Variants in ESRRB observed in about 807,000 individuals in gnomAD.
The protein encoded by ESRRB is steroid hormone receptor ERR2.
In ESRRB, 16 loss-of-function variants were observed where a neutral mutation model predicts 46.0. The ratio of observed to expected loss-of-function variants is 0.35; its 90% CI spans 0.24 to 0.53. ESRRB has a LOEUF of 0.53. ESRRB is among the 20% of genes least tolerant of loss of function. ESRRB has a pLI of 0.93. For missense variants in ESRRB, 488 were observed against 607.4 expected, an observed-to-expected ratio of 0.80 and a Z score of 2.07; for synonymous variants, 246 against 259.6, an observed-to-expected ratio of 0.95 and a Z score of 0.50.
chr14:76,450,673 A>G (rs1888347681), intron 2 of ESRRB, among the ~76,000 whole-genome samples: 1 of 152,162 alleles, frequency 6.6e-6, no homozygotes, highest in Non-Finnish European at 1.5e-5. Flanking sequence ...TTGATGGGTT[A>G]TTCCACCTTG....
At chr14:76,449,663 A>G (rs1888299592) in intron 2 of ESRRB, among the ~76,000 whole-genome samples, 1 of 151,638 alleles carries the variant, frequency 6.6e-6, no homozygotes, top group South Asian at 2.1e-4. Flanking sequence ...CAAATTTTAG[A>G]TTGTTGTTCA....
intron 1 of ESRRB, among the ~76,000 whole-genome samples, chr14:76,405,507 G>T (rs1403269554): frequency 6.6e-6 from 1 of 152,142 alleles, no homozygotes; most frequent in African/African-American, 2.4e-5. Flanking sequence ...TAGTGTGGGT[G>T]GTTTATCTTG....
At chr14:76,328,758 G>A (rs1402284348) in intron 1 of ESRRB, among the ~76,000 whole-genome samples, 1 of 152,096 alleles carries the variant, frequency 6.6e-6, no homozygotes, top group Non-Finnish European at 1.5e-5. Flanking sequence ...TCCTCTTGCA[G>A]ACATCATCTC....
chr14:76,496,802 C>T (rs866518234), intron 6 of ESRRB, among the ~76,000 whole-genome samples: 1 of 152,150 alleles, frequency 6.6e-6, no homozygotes, highest in South Asian at 2.1e-4. Context: ...TGCCCAAGCA[C>T]ATCAGAGGCA....
chr14:76,476,053 T>G (rs1407550770), intron 3 of ESRRB, among the ~76,000 whole-genome samples: 1 of 151,960 alleles, frequency 6.6e-6, no homozygotes, highest in Non-Finnish European at 1.5e-5. Context: ...GCAGAAAATC[T>G]TTAAGAGTGA....
intron 1 of ESRRB, among the ~76,000 whole-genome samples, chr14:76,416,485 T>C (rs1886707694): frequency 6.6e-6 from 1 of 152,038 alleles, no homozygotes; most frequent in South Asian, 2.1e-4. Context: ...TTCTCTTTTT[T>C]TGAGATGGAG....
intron 1 of ESRRB, among the ~76,000 whole-genome samples, chr14:76,356,525 AC>A (rs1566859196): frequency 6.6e-6 from 1 of 151,816 alleles, no homozygotes; most frequent in Admixed American, 6.6e-5. Context: ...TGTCATTGAA[AC>A]CCACAGTCTG....
chr14:76,425,951 C>A, intron 1 of ESRRB, among the ~76,000 whole-genome samples: 1 of 152,166 alleles, frequency 6.6e-6, no homozygotes, highest in East Asian at 1.9e-4. Context: ...CACACCCAGC[C>A]CTCCCTGCTG....
chr14:76,376,309 C>G lies in ESRRB; in HGVS notation c.-93C>G, dbSNP rs534320459. The G allele has an allele frequency of 2.0e-6, 2 of 1,017,272 alleles. No homozygotes were observed. Among genetic ancestry groups the G allele is most frequent in the East Asian group, 3.3e-5 (1 of 30,674 alleles). 63.0% of individuals were successfully genotyped at this position (1,017,272 alleles called of 1,614,324 possible). On this transcript the variant is annotated 5_prime_UTR_variant, in exon 1 of 7. Transcript: ENST00000644823. The surrounding 1 kb of genome is among the most constrained non-coding windows in gnomAD (Gnocchi z 4.1). ...GTTCTCGCGCTCACTGTGCCCTGCC[C>G]GGGCTCGCACCTTGCCCGTGCCCTT...
In ESRRB at chr14:76,500,007, A is replaced by AC. The variant is rs1375524514; in HGVS notation, c.*1555dup. The AC allele has an allele frequency of 6.4e-6, 10 of 1,568,558 alleles. 1 individual carries two copies. In the South Asian group the frequency reaches 9.4e-5, roughly 15 times the overall value. On this transcript the variant is annotated 3_prime_UTR_variant, in exon 7 of 7. Coordinates refer to ENST00000644823, the MANE Select transcript of ESRRB (RefSeq NM_001379180.1). ...CCCCAATCCACGCCCTTCTAGTCCA[A>AC]CCCCCCTCAATGAGAGAGGCAGGCA...
At chr14:76,404,336 T>TTA (rs1346738656) in intron 1 of ESRRB, 1 of 149,150 alleles carries the variant, frequency 6.7e-6, no homozygotes, top group Non-Finnish European at 1.5e-5. Flanking sequence ...TTTAAATTCT[T>TTA]TATATATATT....
At chr14:76,364,927 G>A (rs761522956) in intron 1 of ESRRB, among the ~76,000 whole-genome samples, 3 of 152,056 alleles carry the variant, frequency 2.0e-5, no homozygotes, top group South Asian at 2.1e-4. Flanking sequence ...AATAATAATC[G>A]TGAACTTTCC....
At chr14:76,390,868 A>G (rs988699871) in intron 1 of ESRRB, among the ~76,000 whole-genome samples, 1 of 152,156 alleles carries the variant, frequency 6.6e-6, no homozygotes, top group Non-Finnish European at 1.5e-5. Flanking sequence ...ACAGCAGCAC[A>G]TGGTTGAACA....
chr14:76,352,637 C>T (rs745311889), intron 1 of ESRRB, among the ~76,000 whole-genome samples: 50 of 152,224 alleles, frequency 3.3e-4, no homozygotes, highest in Non-Finnish European at 4.6e-4. Context: ...TCAAGTTTCT[C>T]TGACTATAAA....
intron 1 of ESRRB, among the ~76,000 whole-genome samples, chr14:76,411,640 C>T (rs982779984): frequency 9.2e-5 from 14 of 152,138 alleles, no homozygotes; most frequent in African/African-American, 2.7e-4. Context: ...GGTGGCAGCA[C>T]GTGCTGCAAA....
chr14:76,382,272 G>A (rs1362467017), intron 1 of ESRRB, among the ~76,000 whole-genome samples: 3 of 152,240 alleles, frequency 2.0e-5, no homozygotes, highest in African/African-American at 7.2e-5. Flanking sequence ...TGGCTGGGCT[G>A]AGGTCTGGCT....
At chr14:76,415,799 G>T (rs896999094) in intron 1 of ESRRB, among the ~76,000 whole-genome samples, 2 of 151,998 alleles carry the variant, frequency 1.3e-5, no homozygotes, top group East Asian at 1.9e-4. Flanking sequence ...GAGCCACTGC[G>T]CCTGATAAGC....
Position 76,482,656 on chromosome 14 carries a change from T to A in ESRRB, c.747T>A (p.Pro249=), listed in dbSNP as rs767448341. 1 of 1,613,936 alleles carries A rather than the reference T, an allele frequency of 6.2e-7. No homozygotes were observed. Among genetic ancestry groups the A allele is most frequent in the Admixed American group, 1.7e-5 (1 of 60,006 alleles). Residue 249 remains proline (P), a synonymous_variant, in exon 5 of 7, where the codon CCT becomes CCA. Coordinates refer to ENST00000644823, the MANE Select transcript of ESRRB (RefSeq NM_001379180.1). This position sits in a 1 kb window ranked among gnomAD's most constrained non-coding sequence, Gnocchi z 4.3. ...AGCCGGACAAGCTCTATGCCATGCC[T>A]CCCCCTGGTATGCCTGAGGGGGACA... ...VAEPDKLYAM[P]PPGMPEGDIK... is the part of the protein sequence containing the mutation.
intron 3 of ESRRB, 107 bp from the exon 4 acceptor site, chr14:76,481,909 G>A (rs1457888352): frequency 2.4e-5 from 24 of 1,000,474 alleles, no homozygotes; most frequent in Admixed American, 1.1e-4. Context: ...AAGGTCATCC[G>A]AGCAAGGCCC....
Sources: allele counts gnomAD v4.1 joint callset (sites outside exome capture counted in the v4.1 genomes callset), GRCh38; gene constraint gnomAD v4.1.1; non-coding constraint Gnocchi (gnomAD v3.1); transcripts MANE v1.5; gene names NCBI Gene and HGNC (gene_info 2026-07-23, HGNC 2026-07-21).